ACTR3C: variants seen among roughly 807,000 people sequenced by gnomAD.
The protein encoded by ACTR3C is actin related protein 3C, also known as actin-related protein 3C.
In ACTR3C, 18 loss-of-function variants were observed where a neutral mutation model predicts 26.3. The observed-to-expected ratio is 0.68, with a 90% confidence interval of 0.47 to 1.01. ACTR3C has a LOEUF of 1.01. Among genes scored for constraint, ACTR3C ranks in the 50% least tolerant of loss-of-function variants. The pLI is 0.00. For synonymous variants in ACTR3C, 55 were observed against 94.5 expected (o/e 0.58, Z 2.42); for missense variants, 184 against 250.7 (o/e 0.73, Z 1.80).
the ACTR3C span, among the ~76,000 whole-genome samples, chr7:150,077,165 A>G: frequency 1.3e-5 from 2 of 151,738 alleles, no homozygotes; most frequent in African/African-American, 4.8e-5. Context: ...AACTCTGTCA[A>G]AAAAAAATTC....
chr7:149,905,916 C>T, the ACTR3C span, among the ~76,000 whole-genome samples: 1 of 151,970 alleles, frequency 6.6e-6, no homozygotes, highest in Admixed American at 6.6e-5. Flanking sequence ...GGGGTGTACG[C>T]TCTGTGACAA....
chr7:150,275,245 T>C (rs1035037120), intron 6 of ACTR3C, among the ~76,000 whole-genome samples: 1 of 152,200 alleles, frequency 6.6e-6, no homozygotes, highest in Non-Finnish European at 1.5e-5. Flanking sequence ...AGACACAGCA[T>C]GGAGCATCAG....
chr7:150,209,266 C>CAG, the ACTR3C span, among the ~76,000 whole-genome samples: 15 of 134,344 alleles, frequency 1.1e-4, no homozygotes, highest in South Asian at 2.3e-4. Context: ...GAGACAGAAA[C>CAG]AGAGAGAGAG....
chr7:150,039,188 C>T, the ACTR3C span, among the ~76,000 whole-genome samples: 80 of 144,358 alleles, frequency 5.5e-4, no homozygotes, highest in Non-Finnish European at 8.1e-4. Flanking sequence ...CCCCGCCTCG[C>T]GGGGGGTGCC....
At chr7:150,164,319 A>AT in the ACTR3C span, among the ~76,000 whole-genome samples, 90 of 152,314 alleles carry the variant, frequency 5.9e-4, no homozygotes, top group Non-Finnish European at 1.1e-3. Flanking sequence ...CTGTGCAGTG[A>AT]TTGGGGTGAG....
At chr7:150,084,503 A>G in the ACTR3C span, among the ~76,000 whole-genome samples, 1 of 152,156 alleles carries the variant, frequency 6.6e-6, no homozygotes, top group South Asian at 2.1e-4. Context: ...TGGTCAAGGA[A>G]TGCCTCACTG....
At chr7:150,047,193 A>G in the ACTR3C span, among the ~76,000 whole-genome samples, 2 of 151,586 alleles carry the variant, frequency 1.3e-5, no homozygotes, top group Non-Finnish European at 2.9e-5. Flanking sequence ...GAGGGAGAGA[A>G]GGTGCCTGAG....
chr7:150,161,807 A>G, the ACTR3C span, among the ~76,000 whole-genome samples: 5 of 152,162 alleles, frequency 3.3e-5, no homozygotes, highest in Non-Finnish European at 7.3e-5. Context: ...ACTTAACCCA[A>G]GGATTACCTT....
At chr7:150,146,253 G>A in the ACTR3C span, among the ~76,000 whole-genome samples, 10 of 151,690 alleles carry the variant, frequency 6.6e-5, no homozygotes, top group Admixed American at 2.0e-4. Flanking sequence ...CAAGTTCTCA[G>A]AGAAAAGCAA....
At chr7:150,304,408 T>G (rs1460283799) in intron 1 of ACTR3C, among the ~76,000 whole-genome samples, 1 of 152,088 alleles carries the variant, frequency 6.6e-6, no homozygotes, top group Non-Finnish European at 1.5e-5. Flanking sequence ...TATTCGTAGG[T>G]TCATCTCTAA....
the ACTR3C span, among the ~76,000 whole-genome samples, chr7:150,039,409 G>C: frequency 3.8e-5 from 2 of 52,154 alleles, no homozygotes; most frequent in Non-Finnish European, 8.7e-5. Flanking sequence ...AAGAGGGACT[G>C]GCTCTCAGTC....
chr7:150,156,576 A>G, the ACTR3C span, among the ~76,000 whole-genome samples: 36 of 151,040 alleles, frequency 2.4e-4, no homozygotes, highest in African/African-American at 8.5e-4. Context: ...AGAGAGGAGA[A>G]AGAGAGGAGA....
chr7:150,195,392 T>C, the ACTR3C span, among the ~76,000 whole-genome samples: 1 of 152,098 alleles, frequency 6.6e-6, no homozygotes, highest in Non-Finnish European at 1.5e-5. Context: ...TCTGGTACCA[T>C]ATTCCTTCTG....
At chr7:150,165,927 C>T in the ACTR3C span, among the ~76,000 whole-genome samples, 1 of 151,778 alleles carries the variant, frequency 6.6e-6, no homozygotes, top group Non-Finnish European at 1.5e-5. Context: ...TCATTTTTGA[C>T]TTTCCAAAAT....
chr7:150,189,386 A>G, the ACTR3C span, among the ~76,000 whole-genome samples: 4 of 152,190 alleles, frequency 2.6e-5, no homozygotes, highest in South Asian at 8.3e-4. Context: ...TGAGTTCCCC[A>G]AATATCTTGT....
At chr7:149,894,997 T>C in the ACTR3C span, among the ~76,000 whole-genome samples, 7 of 152,026 alleles carry the variant, frequency 4.6e-5, no homozygotes, top group East Asian at 1.3e-3. Flanking sequence ...ACGTGTCCAT[T>C]AACGGATGAA....
At chr7:149,998,228 T>A in the ACTR3C span, among the ~76,000 whole-genome samples, 1 of 151,462 alleles carries the variant, frequency 6.6e-6, no homozygotes, top group South Asian at 2.1e-4. Flanking sequence ...CCCTAGGAGA[T>A]CTGTCTCCAG....
the ACTR3C span, among the ~76,000 whole-genome samples, chr7:150,162,870 G>T: frequency 3.3e-5 from 5 of 152,140 alleles, no homozygotes; most frequent in African/African-American, 1.2e-4. Context: ...AGTACTAGTG[G>T]GTGGGGCACT....
At chr7:149,943,946 G>A in the ACTR3C span, among the ~76,000 whole-genome samples, 57 of 143,280 alleles carry the variant, frequency 4.0e-4, no homozygotes, top group South Asian at 8.6e-4. Flanking sequence ...AGCTTGGCTT[G>A]TCCAGCCATG....
Sources: allele counts gnomAD v4.1 joint callset (sites outside exome capture counted in the v4.1 genomes callset), GRCh38; gene constraint gnomAD v4.1.1; transcripts MANE v1.5; gene names NCBI Gene and HGNC (gene_info 2026-07-23, HGNC 2026-07-21).